The following CCDC178 variants were observed in gnomAD, a reference collection of about 807,000 sequenced individuals.
CCDC178 encodes the protein coiled-coil domain containing 178.
Under a neutral mutation model 117.4 loss-of-function variants are expected in CCDC178, and 126 were observed. The observed-to-expected ratio is 1.07, with a 90% confidence interval of 0.93 to 1.24. CCDC178 has a LOEUF of 1.24. CCDC178 is among the 50% of genes most tolerant of loss of function. The pLI is 0.00. For missense variants in CCDC178, 1,030 were observed against 986.9 expected, an observed-to-expected ratio of 1.04 and a Z score of -0.59; for synonymous variants, 283 against 313.4, an observed-to-expected ratio of 0.90 and a Z score of 1.02.
intron 6 of CCDC178, among the ~76,000 whole-genome samples, chr18:33,366,450 G>C (rs1338071196): frequency 1.3e-5 from 2 of 151,940 alleles, no homozygotes; most frequent in Non-Finnish European, 2.9e-5. Context: ...GTAATTTAGA[G>C]AGATAATTAA....
chr18:33,112,872 A>T (rs1035395408), intron 20 of CCDC178, among the ~76,000 whole-genome samples: 1 of 151,998 alleles, frequency 6.6e-6, no homozygotes, highest in African/African-American at 2.4e-5. Flanking sequence ...GGAAAACAGG[A>T]AAATCAAAAG....
chr18:33,204,329 G>T (rs562096910), intron 20 of CCDC178, among the ~76,000 whole-genome samples: 41 of 152,078 alleles, frequency 2.7e-4, no homozygotes, highest in African/African-American at 9.4e-4. Context: ...GGAATGAAAG[G>T]TTATCTTTAA....
chr18:33,148,703 T>C (rs2058304840), intron 20 of CCDC178, among the ~76,000 whole-genome samples: 3 of 152,344 alleles, frequency 2.0e-5, no homozygotes, highest in Admixed American at 6.5e-5. Context: ...TGCAGATACC[T>C]TGTCTTCTTA....
At chr18:33,181,069 AG>A (rs2058728384) in intron 20 of CCDC178, among the ~76,000 whole-genome samples, 1 of 151,980 alleles carries the variant, frequency 6.6e-6, no homozygotes, top group Admixed American at 6.6e-5. Flanking sequence ...GGAAGACTGG[AG>A]GAAAAAAAGT....
intron 21 of CCDC178, among the ~76,000 whole-genome samples, chr18:32,997,674 T>C (rs1464990355): frequency 1.3e-5 from 2 of 152,132 alleles, no homozygotes; most frequent in African/African-American, 2.4e-5. Flanking sequence ...ACTATATATG[T>C]ATATCATACA....
chr18:32,976,964 T>A (rs1398378397), intron 21 of CCDC178, among the ~76,000 whole-genome samples: 1 of 152,148 alleles, frequency 6.6e-6, no homozygotes, highest in Non-Finnish European at 1.5e-5. Flanking sequence ...TGCTAAATGA[T>A]GCTTAACTAT....
At chr18:33,247,389 AATAG>A (rs1170144236) in intron 14 of CCDC178, among the ~76,000 whole-genome samples, 5 of 152,056 alleles carry the variant, frequency 3.3e-5, no homozygotes, top group East Asian at 1.9e-4. Flanking sequence ...ATTAGACAAA[AATAG>A]ATAGATGGGG....
Position 33,215,549 on chromosome 18 carries a change from C to A in CCDC178, c.2078+1G>T. The A allele has an allele frequency of 1.5e-6, 2 of 1,346,120 alleles. No individual in the cohort carries two copies. The highest frequency in any genetic ancestry group is 2.0e-6 in the Non-Finnish European group (2 of 1,006,508). 83.4% of individuals were successfully genotyped at this position (1,346,120 alleles called of 1,614,324 possible). The stretch of plus-strand genomic sequence containing the variant: ...TATTTTGATAAAGTTTAAGTACTTA[C>A]TTTAATATTTCAAGTGTCTGATCAA... On this transcript the variant is annotated splice_donor_variant, in intron 19 of 22. Coordinates refer to ENST00000383096, the MANE Select transcript of CCDC178 (RefSeq NM_001105528.4). LOFTEE classifies it high-confidence loss of function.
chr18:33,435,692 A>ATATTTATTATTATAATACAATAATAC, intron 2 of CCDC178, among the ~76,000 whole-genome samples: 1 of 150,416 alleles, frequency 6.6e-6, no homozygotes, highest in Admixed American at 6.7e-5. Flanking sequence ...TATAATAATA[A>ATATTTATTATTATAATACAATAATAC]TATTTATTAT....
At chr18:33,192,414 T>TTA (rs2058869595) in intron 20 of CCDC178, among the ~76,000 whole-genome samples, 1 of 152,148 alleles carries the variant, frequency 6.6e-6, no homozygotes, top group African/African-American at 2.4e-5. Flanking sequence ...CGTTTACACT[T>TTA]AATAGAGACA....
At chr18:33,022,930 T>G (rs754655714) in intron 21 of CCDC178, among the ~76,000 whole-genome samples, 2 of 152,048 alleles carry the variant, frequency 1.3e-5, no homozygotes, top group African/African-American at 2.4e-5. Context: ...AAAACAGGAA[T>G]GACTGTGTTG....
chr18:33,266,871 A>G, intron 14 of CCDC178, 45 bp downstream of exon 14: 1 of 1,434,416 alleles, frequency 7.0e-7, no homozygotes, highest in Non-Finnish European at 9.4e-7. Context: ...TGTATTTAAC[A>G]TATTGGATTA....
At chr18:33,360,027 A>G (rs2063104446) in intron 6 of CCDC178, among the ~76,000 whole-genome samples, 3 of 151,406 alleles carry the variant, frequency 2.0e-5, no homozygotes, top group South Asian at 4.1e-4. Context: ...CACTGTAAAA[A>G]TAAGAAAATA....
intron 21 of CCDC178, among the ~76,000 whole-genome samples, chr18:33,088,398 G>C (rs2057414465): frequency 6.6e-6 from 1 of 151,978 alleles, no homozygotes; most frequent in South Asian, 2.1e-4. Flanking sequence ...TAACAATATT[G>C]AGTCTTCCTA....
intron 20 of CCDC178, among the ~76,000 whole-genome samples, chr18:33,117,596 T>C (rs1022505088): frequency 6.6e-6 from 1 of 151,808 alleles, no homozygotes; most frequent in Admixed American, 6.6e-5. Context: ...GGGAGAGGGA[T>C]AGCATTAGGA....
At position 33,057,856 on chromosome 18, in the gene CCDC178, T is replaced by C. The variant is rs189070790; in HGVS notation, c.2388+34905A>G. ...ATGAGAGAACAGAAAATGTATTTTG[T>C]ATCTAGACACCAAAAACTTAAGCTC... On this transcript the variant is annotated intron_variant, in intron 21 of 22. Coordinates refer to ENST00000383096, the MANE Select transcript of CCDC178 (RefSeq NM_001105528.4). Among the ~76,000 whole-genome samples the C allele has an allele frequency of 7.5e-4, 114 of 152,330 alleles. 2 individuals carry two copies. Among genetic ancestry groups the C allele is most frequent in the Admixed American group, 7.3e-3 (111 of 15,298 alleles).
At chr18:33,064,922 T>C (rs1206153308) in intron 21 of CCDC178, among the ~76,000 whole-genome samples, 3 of 151,954 alleles carry the variant, frequency 2.0e-5, no homozygotes, top group South Asian at 2.1e-4. Context: ...TAGTAAAATA[T>C]TGTCATTTGA....
At chr18:32,986,599 T>G (rs1330248825) in intron 21 of CCDC178, among the ~76,000 whole-genome samples, 1 of 152,142 alleles carries the variant, frequency 6.6e-6, no homozygotes, top group Non-Finnish European at 1.5e-5. Flanking sequence ...AGTTTATTTC[T>G]ATTGAACCTT....
chr18:33,304,566 A>G (rs2062223272), intron 11 of CCDC178, among the ~76,000 whole-genome samples: 1 of 152,194 alleles, frequency 6.6e-6, no homozygotes, highest in Non-Finnish European at 1.5e-5. Context: ...GGATTTTACA[A>G]AAGTGTGACT....
Sources: gnomAD v4.1 joint callset for allele counts (sites outside exome capture counted in the v4.1 genomes callset) on GRCh38, gnomAD v4.1.1 for gene constraint, MANE v1.5 for transcripts, NCBI Gene and HGNC (gene_info 2026-07-23, HGNC 2026-07-21) for gene names.